The following NXPH1 variants were observed in gnomAD, a reference collection of about 807,000 sequenced individuals.
The protein encoded by NXPH1 is neurexophilin-1.
Under a neutral mutation model 23.7 loss-of-function variants are expected in NXPH1, and 5 were observed. The observed-to-expected ratio is 0.21, with a 90% CI of 0.11 to 0.44. The LOEUF (loss-of-function observed/expected upper bound fraction) is 0.44, where lower values mean the gene tolerates loss of function less well. NXPH1 is among the 20% of genes least tolerant of loss of function. The probability of loss-of-function intolerance (pLI) is 0.99; values close to 1 mark genes in which losing one functional copy is unlikely to be tolerated. For synonymous variants in NXPH1, 144 were observed against 122.2 expected, an observed-to-expected ratio of 1.18 and a Z score of -1.18; for missense variants, 324 against 321.6, an observed-to-expected ratio of 1.01 and a Z score of -0.06.
chr7:8,751,814 A>AT lies in NXPH1; in HGVS notation c.*46dup. The AT allele has an allele frequency of 6.5e-7, 1 of 1,536,692 alleles. No individual in the cohort carries two copies. The highest frequency in any genetic ancestry group is 8.8e-7 in the Non-Finnish European group (1 of 1,141,138). Reference sequence around the variant, plus strand: ...ACTGAAGCCTGAGGAATTAAAGGTCATATGACAGGGCTGTTACCTCAAAGA... The same window carrying AT: ...ACTGAAGCCTGAGGAATTAAAGGTCATTATGACAGGGCTGTTACCTCAAAGA... On this transcript the variant is annotated 3_prime_UTR_variant, in exon 3 of 3. Transcript: ENST00000405863. The surrounding 1 kb of genome is among the most constrained non-coding windows in gnomAD (Gnocchi z 4.5).
intron 2 of NXPH1, among the ~76,000 whole-genome samples, chr7:8,723,238 A>T (rs1779997184): frequency 6.6e-6 from 1 of 152,204 alleles, no homozygotes; most frequent in African/African-American, 2.4e-5. Context: ...ACAAATGTCC[A>T]CTTGAGTAGT....
At chr7:8,516,643 C>T (rs1199870093) in intron 2 of NXPH1, among the ~76,000 whole-genome samples, 1 of 152,066 alleles carries the variant, frequency 6.6e-6, no homozygotes, top group African/African-American at 2.4e-5. Flanking sequence ...GGGGGAATTG[C>T]TTCATCTAAG....
At chr7:8,471,680 T>G (rs1402261441) in intron 2 of NXPH1, among the ~76,000 whole-genome samples, 1 of 151,900 alleles carries the variant, frequency 6.6e-6, no homozygotes, top group East Asian at 1.9e-4. Context: ...CTATCTATAT[T>G]TATTTTTTTC....
intron 2 of NXPH1, among the ~76,000 whole-genome samples, chr7:8,478,671 C>T (rs73048827): frequency 0.033 from 5,004 of 152,064 alleles, 119 homozygotes; most frequent in Non-Finnish European, 0.051. Context: ...GAAAGTCCAT[C>T]CAGAACAACA....
intron 2 of NXPH1, among the ~76,000 whole-genome samples, chr7:8,650,863 A>G (rs1033156634): frequency 1.3e-5 from 2 of 152,214 alleles, no homozygotes; most frequent in Admixed American, 6.5e-5. Flanking sequence ...ACTGAGTTCA[A>G]TGGTAAAGTA....
chr7:8,565,617 A>T (rs1361159805), intron 2 of NXPH1, among the ~76,000 whole-genome samples: 1 of 151,838 alleles, frequency 6.6e-6, no homozygotes, highest in Non-Finnish European at 1.5e-5. Context: ...AAAACATGAA[A>T]CTATGTAGCA....
chr7:8,687,170 G>A (rs987991446), intron 2 of NXPH1, among the ~76,000 whole-genome samples: 1 of 152,066 alleles, frequency 6.6e-6, no homozygotes, highest in Non-Finnish European at 1.5e-5. Flanking sequence ...TCAGTGCAGA[G>A]GCTCTCAGGA....
chr7:8,671,284 T>A (rs1215979480), intron 2 of NXPH1, among the ~76,000 whole-genome samples: 2 of 152,192 alleles, frequency 1.3e-5, no homozygotes, highest in African/African-American at 4.8e-5. Context: ...TGACTAAGAT[T>A]TTATCATATT....
At chr7:8,667,673 T>C (rs950781471) in intron 2 of NXPH1, among the ~76,000 whole-genome samples, 1 of 152,136 alleles carries the variant, frequency 6.6e-6, no homozygotes, top group Non-Finnish European at 1.5e-5. Flanking sequence ...TGTAGTCTTA[T>C]TTAGATTGAA....
At chr7:8,515,499 A>G (rs530987276) in intron 2 of NXPH1, among the ~76,000 whole-genome samples, 3 of 152,190 alleles carry the variant, frequency 2.0e-5, no homozygotes, top group East Asian at 1.9e-4. Context: ...AATGCTTCAC[A>G]TTCTTTGGAA....
chr7:8,655,880 A>G (rs1820574374), intron 2 of NXPH1, among the ~76,000 whole-genome samples: 1 of 152,152 alleles, frequency 6.6e-6, no homozygotes, highest in African/African-American at 2.4e-5. Flanking sequence ...CTTGATCTCT[A>G]GCAGAATTAA....
At position 8,751,004 on chromosome 7, in the gene NXPH1, T is replaced by C; in HGVS notation, c.55-4T>C. The C allele has an allele frequency of 1.2e-6, 2 of 1,612,788 alleles. No individual in the cohort carries two copies. The highest frequency in any genetic ancestry group is 1.7e-6 in the Non-Finnish European group (2 of 1,178,932). On this transcript the variant is annotated splice_region_variant and splice_polypyrimidine_tract_variant and intron_variant, in intron 2 of 2. Coordinates refer to ENST00000405863, the MANE Select transcript of NXPH1 (RefSeq NM_152745.3). The surrounding 1 kb of genome is among the most constrained non-coding windows in gnomAD (Gnocchi z 4.5). ...TAAATGCCATTTTTCTCTTCTGTTT[T>C]CAGGTCACATGTGCCAATTTAACGA...
At chr7:8,581,223 T>A (rs1818864334) in intron 2 of NXPH1, among the ~76,000 whole-genome samples, 1 of 152,184 alleles carries the variant, frequency 6.6e-6, no homozygotes. Flanking sequence ...GACATCTATG[T>A]ATCAGGCATT....
chr7:8,445,716 T>C (rs979570414), intron 2 of NXPH1, among the ~76,000 whole-genome samples: 1 of 152,264 alleles, frequency 6.6e-6, no homozygotes, highest in Non-Finnish European at 1.5e-5. Context: ...TATGTTTCTA[T>C]GTATTCACCT....
chr7:8,607,304 C>T (rs1819516829), intron 2 of NXPH1, among the ~76,000 whole-genome samples: 2 of 152,062 alleles, frequency 1.3e-5, no homozygotes, highest in Admixed American at 6.6e-5. Flanking sequence ...GAGTTAAAAG[C>T]ACAGTTTAAT....
intron 2 of NXPH1, among the ~76,000 whole-genome samples, chr7:8,596,863 G>A (rs894316668): frequency 6.6e-6 from 1 of 152,078 alleles, no homozygotes; most frequent in Non-Finnish European, 1.5e-5. Context: ...TAATAAAGGC[G>A]AATGGGTACA....
At chr7:8,692,001 T>G (rs1257961916) in intron 2 of NXPH1, among the ~76,000 whole-genome samples, 2 of 151,896 alleles carry the variant, frequency 1.3e-5, no homozygotes, top group African/African-American at 2.4e-5. Context: ...GGGAGATACT[T>G]TTCTAGTCTG....
intron 2 of NXPH1, among the ~76,000 whole-genome samples, chr7:8,628,803 C>A (rs964084797): frequency 1.3e-5 from 2 of 151,738 alleles, no homozygotes; most frequent in Non-Finnish European, 2.9e-5. Context: ...AGAGATTTGA[C>A]GCGTATGTTT....
chr7:8,670,798 G>A (rs989324105), intron 2 of NXPH1, among the ~76,000 whole-genome samples: 3 of 152,188 alleles, frequency 2.0e-5, no homozygotes, highest in African/African-American at 7.2e-5. Context: ...TAGAGGGTTA[G>A]GGACAGGGTC....
Sources: gnomAD v4.1 joint callset for allele counts (sites outside exome capture counted in the v4.1 genomes callset) on GRCh38, gnomAD v4.1.1 for gene constraint, Gnocchi (gnomAD v3.1) non-coding constraint, MANE v1.5 for transcripts, NCBI Gene and HGNC (gene_info 2026-07-23, HGNC 2026-07-21) for gene names.